Variants in NGEF observed in about 807,000 individuals in gnomAD.
NGEF encodes the protein ephexin-1.
NGEF carries 31 observed loss-of-function variants against 80.9 expected under a neutral mutation model. The ratio of observed to expected loss-of-function variants is 0.38; its 90% CI spans 0.29 to 0.52. NGEF has a LOEUF of 0.52. Among genes scored for constraint, NGEF ranks in the 20% least tolerant of loss-of-function variants. The pLI, the probability that NGEF is intolerant of heterozygous loss-of-function variation, is 0.84. For missense variants in NGEF, 709 were observed against 926.2 expected (o/e 0.77, Z 3.04); for synonymous variants, 371 against 370.2 (o/e 1.00, Z -0.03).
chr2:233,000,253 G>A (rs1694941782), intron 1 of NGEF, among the ~76,000 whole-genome samples: 1 of 152,192 alleles, frequency 6.6e-6, no homozygotes, highest in Non-Finnish European at 1.5e-5. Context: ...ACACTGCCAT[G>A]CTTGGCTAAT....
chr2:232,965,081 C>T (rs897789291), intron 3 of NGEF, among the ~76,000 whole-genome samples: 5 of 152,182 alleles, frequency 3.3e-5, no homozygotes, highest in African/African-American at 9.7e-5. Flanking sequence ...AATATGCTAA[C>T]GACAGCGACG....
intron 1 of NGEF, among the ~76,000 whole-genome samples, chr2:232,981,596 C>G (rs375862533): frequency 9.9e-5 from 15 of 152,250 alleles, no homozygotes; most frequent in African/African-American, 3.6e-4. Flanking sequence ...TCTGCCACCC[C>G]ACCCAGGAAC....
intron 5 of NGEF, among the ~76,000 whole-genome samples, chr2:232,917,063 G>T (rs1472174724): frequency 6.6e-6 from 1 of 152,200 alleles, no homozygotes; most frequent in African/African-American, 2.4e-5. Context: ...CAAGCCAGTG[G>T]TACCTGTGAT....
intron 4 of NGEF, among the ~76,000 whole-genome samples, chr2:232,922,997 G>C (rs1692976542): frequency 6.6e-6 from 1 of 152,148 alleles, no homozygotes; most frequent in Non-Finnish European, 1.5e-5. Context: ...TTGAACCTGG[G>C]GGGCGGAGGT....
intron 3 of NGEF, among the ~76,000 whole-genome samples, chr2:232,961,326 T>C (rs1047208179): frequency 1.3e-5 from 2 of 152,170 alleles, no homozygotes; most frequent in African/African-American, 4.8e-5. Flanking sequence ...CTACACTATA[T>C]ATGTTTGGGG....
intron 3 of NGEF, among the ~76,000 whole-genome samples, chr2:232,941,459 A>G (rs1574625740): frequency 6.6e-6 from 1 of 152,244 alleles, no homozygotes; most frequent in South Asian, 2.1e-4. Flanking sequence ...GTTTCTCCCA[A>G]AGTTAGTTCA....
intron 4 of NGEF, among the ~76,000 whole-genome samples, chr2:232,921,684 A>AT (rs1692947222): frequency 6.7e-6 from 1 of 150,304 alleles, no homozygotes; most frequent in Admixed American, 6.6e-5. Context: ...CTGGTCTTGA[A>AT]TTCCTGGCCT....
intron 1 of NGEF, among the ~76,000 whole-genome samples, chr2:233,001,425 G>C (rs1694975974): frequency 6.6e-6 from 1 of 152,248 alleles, no homozygotes; most frequent in Non-Finnish European, 1.5e-5. Context: ...TAGGTAGGGG[G>C]AGGTGACTCA....
In NGEF at chr2:232,993,109, A is replaced by ATATATATAT. The variant is rs1553559429; in HGVS notation, c.-74-18154_-74-18146dup. ...CAAATATATATATAAATAAATAAAT[A>ATATATATAT]TATATATATAAATAAATATATATTT... On this transcript the variant is annotated intron_variant, in intron 1 of 14. Transcript: ENST00000264051. Among the ~76,000 whole-genome samples, 209 of 22,978 alleles carry ATATATATAT rather than the reference A, an allele frequency of 9.1e-3. 2 individuals carry two copies. Among genetic ancestry groups the ATATATATAT allele is most frequent in the African/African-American group, 0.03 (182 of 6,134 alleles). The allele number at this position is 22,978 out of a possible 152,430, so 15.1% of individuals were successfully genotyped here. A position where few individuals can be genotyped will look rare whatever the true frequency, so the allele number is the denominator to read the frequency against.
At chr2:232,880,363 T>TG (rs1691456283) in intron 14 of NGEF, among the ~76,000 whole-genome samples, 1 of 152,226 alleles carries the variant, frequency 6.6e-6, no homozygotes, top group South Asian at 2.1e-4. Context: ...GCCTGGGGCA[T>TG]GCCCTCTGCA....
intron 3 of NGEF, among the ~76,000 whole-genome samples, chr2:232,962,937 G>A (rs1201536766): frequency 6.6e-6 from 1 of 152,024 alleles, no homozygotes; most frequent in East Asian, 1.9e-4. Context: ...CTTGTGGAAT[G>A]ACTAAGTCAA....
At chr2:232,942,617 C>T (rs1223255425) in intron 3 of NGEF, among the ~76,000 whole-genome samples, 1 of 152,172 alleles carries the variant, frequency 6.6e-6, no homozygotes, top group East Asian at 1.9e-4. Context: ...CAACTCACGC[C>T]TGTAATCCCA....
chr2:232,949,651 A>G (rs1464977466), intron 3 of NGEF, among the ~76,000 whole-genome samples: 1 of 143,550 alleles, frequency 7.0e-6, no homozygotes, highest in East Asian at 2.1e-4. Flanking sequence ...CTAATTTTGT[A>G]TTTTTTAAGT....
At chr2:232,949,081 C>T (rs1476446772) in intron 3 of NGEF, among the ~76,000 whole-genome samples, 1 of 152,062 alleles carries the variant, frequency 6.6e-6, no homozygotes, top group African/African-American at 2.4e-5. Context: ...GTCAGATGTT[C>T]GGCATGAAAT....
chr2:232,976,967 G>T (rs1194445814), intron 1 of NGEF, among the ~76,000 whole-genome samples: 1 of 152,190 alleles, frequency 6.6e-6, no homozygotes, highest in African/African-American at 2.4e-5. Flanking sequence ...TGGCTGGGAG[G>T]ACACACTTAG....
At chr2:232,935,716 A>G (rs887599479) in intron 3 of NGEF, among the ~76,000 whole-genome samples, 1 of 152,240 alleles carries the variant, frequency 6.6e-6, no homozygotes, top group Non-Finnish European at 1.5e-5. Flanking sequence ...AAAATAAGGA[A>G]CAGCACATTG....
intron 3 of NGEF, among the ~76,000 whole-genome samples, chr2:232,961,624 C>G (rs986247196): frequency 2.6e-5 from 4 of 152,142 alleles, no homozygotes; most frequent in African/African-American, 7.2e-5. Context: ...TCCCGAGTAG[C>G]TGGGACTACA....
rs1038871076 is a variant in NGEF at position 232,879,431 on chromosome 2, C to G, written c.*58G>C. 7.2e-5 allele frequency: 101 copies of G among 1,408,540 alleles called. 1 individual carries two copies. The highest frequency in any genetic ancestry group is 2.6e-4 in the South Asian group (19 of 74,260). The allele number at this position is 1,408,540 out of a possible 1,614,324, so 87.3% of individuals were successfully genotyped here. A position where few individuals can be genotyped will look rare whatever the true frequency, so the allele number is the denominator to read the frequency against. ...CTGTGCTTCCCAGAGCCCCCCCCCCCCCACCTTCTGTCGGGGTCTCATGCA... is the reference window on the plus strand; with the variant it reads ...CTGTGCTTCCCAGAGCCCCCCCCCCGCCACCTTCTGTCGGGGTCTCATGCA... On this transcript the variant is annotated 3_prime_UTR_variant, in exon 15 of 15. Transcript: ENST00000264051.
At chr2:232,924,163 G>C (rs1693008874) in intron 4 of NGEF, among the ~76,000 whole-genome samples, 1 of 152,156 alleles carries the variant, frequency 6.6e-6, no homozygotes, top group African/African-American at 2.4e-5. Context: ...CTTGAACCCG[G>C]GAGGAGGAGG....
Sources: gnomAD v4.1 joint callset for allele counts (sites outside exome capture counted in the v4.1 genomes callset) on GRCh38, gnomAD v4.1.1 for gene constraint, MANE v1.5 for transcripts, NCBI Gene and HGNC (gene_info 2026-07-23, HGNC 2026-07-21) for gene names.